PRPSAP2: variants seen among roughly 807,000 people sequenced by gnomAD.
PRPSAP2 encodes phosphoribosyl pyrophosphate synthase-associated protein 2.
In PRPSAP2, 24 loss-of-function variants were observed where a neutral mutation model predicts 40.6. The ratio of observed to expected loss-of-function variants is 0.59; its 90% CI spans 0.43 to 0.83. The LOEUF is 0.83. Among genes scored for constraint, PRPSAP2 ranks in the 40% least tolerant of loss-of-function variants. The probability of loss-of-function intolerance (pLI) is 0.00; values close to 1 mark genes in which losing one functional copy is unlikely to be tolerated. For synonymous variants in PRPSAP2, 149 were observed against 164.7 expected (o/e 0.90, Z 0.73); for missense variants, 292 against 465.6 (o/e 0.63, Z 3.43).
At chr17:18,883,607 T>G (rs1454388500) in intron 7 of PRPSAP2, among the ~76,000 whole-genome samples, 1 of 152,056 alleles carries the variant, frequency 6.6e-6, no homozygotes, top group East Asian at 1.9e-4. Flanking sequence ...CAGGCTGATC[T>G]CGAACGCTGA....
intron 4 of PRPSAP2, among the ~76,000 whole-genome samples, chr17:18,867,969 C>G (rs962660725): frequency 2.0e-5 from 3 of 151,722 alleles, no homozygotes; most frequent in Admixed American, 1.3e-4. Context: ...AACCCTGTCT[C>G]TACTAAAAAT....
At position 18,918,502 on chromosome 17, in the gene PRPSAP2, G is replaced by C. The variant is rs542582875; in HGVS notation, c.734-5412G>C. ...TGGAGGGAAGAGATGGACTAAGATA[G>C]CAGTATCTGCGGGGAGCCAACCAAG... On this transcript the variant is annotated intron_variant, in intron 9 of 11. Coordinates refer to ENST00000268835, the MANE Select transcript of PRPSAP2 (RefSeq NM_002767.4). Among the ~76,000 whole-genome samples, 8 of 152,336 alleles carry C rather than the reference G, an allele frequency of 5.3e-5. No individual in the cohort carries two copies. The South Asian group carries it at 6.2e-4, about 12-fold the overall frequency.
chr17:18,863,159 G>A (rs974920217), intron 1 of PRPSAP2, among the ~76,000 whole-genome samples: 42 of 151,830 alleles, frequency 2.8e-4, no homozygotes, highest in African/African-American at 1.0e-3. Flanking sequence ...TTGAGACGAG[G>A]TCGCATTCCC....
chr17:18,905,228 G>A (rs185241136), intron 8 of PRPSAP2, among the ~76,000 whole-genome samples: 197 of 152,182 alleles, frequency 1.3e-3, no homozygotes, highest in African/African-American at 4.2e-3. Flanking sequence ...GTTTCACCAC[G>A]TTGGCCAGGC....
At chr17:18,858,372 C>CG (rs1452780101) in intron 1 of PRPSAP2, 111 bp downstream of exon 1, 1 of 152,438 alleles carries the variant, frequency 6.6e-6, no homozygotes, top group African/African-American at 2.4e-5. Flanking sequence ...GCGGACGGGT[C>CG]GGGGTCCCTG....
chr17:18,906,968 T>C (rs898635878), intron 8 of PRPSAP2, among the ~76,000 whole-genome samples: 4 of 152,014 alleles, frequency 2.6e-5, no homozygotes, highest in African/African-American at 7.2e-5. Context: ...TACATACTAA[T>C]AGTATTTAGT....
chr17:18,882,330 G>A (rs1396186929), intron 6 of PRPSAP2, among the ~76,000 whole-genome samples: 1 of 150,816 alleles, frequency 6.6e-6, no homozygotes, highest in African/African-American at 2.4e-5. Flanking sequence ...TGGCCAATAT[G>A]ATGAAACCCC....
intron 11 of PRPSAP2, chr17:18,929,842 A>G (rs901789594): frequency 5.3e-5 from 8 of 152,150 alleles, no homozygotes; most frequent in Non-Finnish European, 1.0e-4. Flanking sequence ...TTGTGTGGAC[A>G]TGTGTTTTCT....
intron 1 of PRPSAP2, among the ~76,000 whole-genome samples, chr17:18,863,010 C>T (rs1042396851): frequency 4.6e-5 from 7 of 151,834 alleles, no homozygotes; most frequent in Non-Finnish European, 4.4e-5. Context: ...TTAGTAGAGA[C>T]GGGGCTTCAC....
intron 8 of PRPSAP2, among the ~76,000 whole-genome samples, chr17:18,892,239 C>G (rs80302634): frequency 0.024 from 3,529 of 146,916 alleles, 50 homozygotes; most frequent in Non-Finnish European, 0.039. Context: ...TTGATGGACA[C>G]TTTTTTTTTT....
chr17:18,926,298 G>A (rs1462258192), intron 10 of PRPSAP2, among the ~76,000 whole-genome samples: 14 of 145,742 alleles, frequency 9.6e-5, no homozygotes, highest in African/African-American at 2.0e-4. Flanking sequence ...ACAAAGTCTC[G>A]CTCTGTCACC....
chr17:18,872,572 T>C lies in PRPSAP2; in HGVS notation c.173-11T>C. The C allele has an allele frequency of 6.4e-7, 1 of 1,564,528 alleles. No individual in the cohort carries two copies. The highest frequency in any genetic ancestry group is 8.8e-7 in the Non-Finnish European group (1 of 1,138,660). On this transcript the variant is annotated splice_polypyrimidine_tract_variant and intron_variant, in intron 4 of 11. Coordinates refer to ENST00000268835, the MANE Select transcript of PRPSAP2 (RefSeq NM_002767.4). ...TGCCTTTCCCTCTCTTCTTTTTCCT[T>C]TTCCTGCCAGAAACAAGAGTACAAA...
At chr17:18,864,432 T>C (rs931686283) in intron 1 of PRPSAP2, among the ~76,000 whole-genome samples, 1 of 152,014 alleles carries the variant, frequency 6.6e-6, no homozygotes. Context: ...TAGCTGGGAC[T>C]ATAGGCAGCC....
At chr17:18,871,653 C>CTTTTTTTT (rs142523345) in intron 4 of PRPSAP2, among the ~76,000 whole-genome samples, 8 of 129,782 alleles carry the variant, frequency 6.2e-5, no homozygotes, top group South Asian at 2.8e-4. Context: ...ATATAATTTT[C>CTTTTTTTT]TTTTTTTTTT....
At chr17:18,898,731 G>T (rs1239754660) in intron 8 of PRPSAP2, among the ~76,000 whole-genome samples, 1 of 152,112 alleles carries the variant, frequency 6.6e-6, no homozygotes, top group East Asian at 1.9e-4. Context: ...ATTGCTTTGG[G>T]TTTATCCTGT....
intron 6 of PRPSAP2, among the ~76,000 whole-genome samples, chr17:18,880,887 G>A (rs2038680130): frequency 6.6e-6 from 1 of 151,946 alleles, no homozygotes; most frequent in African/African-American, 2.4e-5. Context: ...AGGCTGGAGT[G>A]CAGTGGCATG....
intron 9 of PRPSAP2, among the ~76,000 whole-genome samples, chr17:18,912,097 G>T (rs1223438054): frequency 2.0e-5 from 3 of 151,938 alleles, no homozygotes; most frequent in Admixed American, 6.6e-5. Context: ...CAGGAGAATC[G>T]CTTGAACCCG....
chr17:18,923,508 T>C (rs920268281), intron 9 of PRPSAP2, among the ~76,000 whole-genome samples: 2 of 102,994 alleles, frequency 1.9e-5, no homozygotes, highest in East Asian at 4.4e-4. Flanking sequence ...TGAATTCATA[T>C]ATTATTAGCT....
chr17:18,912,654 C>T (rs1191294333), intron 9 of PRPSAP2, among the ~76,000 whole-genome samples: 4 of 152,148 alleles, frequency 2.6e-5, no homozygotes, highest in East Asian at 1.9e-4. Context: ...CGTTTCTCTC[C>T]GGCTGTGAGC....
Sources: gnomAD v4.1 joint callset for allele counts (sites outside exome capture counted in the v4.1 genomes callset) on GRCh38, gnomAD v4.1.1 for gene constraint, MANE v1.5 for transcripts, NCBI Gene and HGNC (gene_info 2026-07-23, HGNC 2026-07-21) for gene names.